Variants in LGSN observed in about 807,000 individuals in gnomAD.
The protein encoded by LGSN is lengsin.
A neutral mutation model predicts 19.5 loss-of-function variants in LGSN; 21 were observed. The ratio of observed to expected loss-of-function variants is 1.07; its 90% CI spans 0.76 to 1.55. LGSN has a LOEUF of 1.55. LGSN is among the 40% of genes most tolerant of loss of function. The pLI is 0.00. For synonymous variants in LGSN, 257 were observed against 215.6 expected (o/e 1.19, Z -1.68); for missense variants, 673 against 608.5 (o/e 1.11, Z -1.12).
chr6:63,375,122 A>C, the LGSN span, among the ~76,000 whole-genome samples: 3 of 152,134 alleles, frequency 2.0e-5, no homozygotes, highest in Admixed American at 6.6e-5. Flanking sequence ...ATCAAGAATT[A>C]ATTCCGTTTT....
chr6:63,371,208 C>T, the LGSN span, among the ~76,000 whole-genome samples: 1 of 152,160 alleles, frequency 6.6e-6, no homozygotes, highest in Non-Finnish European at 1.5e-5. Flanking sequence ...TAAAAAACAT[C>T]CTAGAACATA....
chr6:63,513,472 C>T, the LGSN span, among the ~76,000 whole-genome samples: 4 of 152,000 alleles, frequency 2.6e-5, no homozygotes, highest in Non-Finnish European at 4.4e-5. Context: ...ACAATGTTTG[C>T]CGTAGTCCCC....
At chr6:63,364,285 C>G in the LGSN span, among the ~76,000 whole-genome samples, 2 of 151,952 alleles carry the variant, frequency 1.3e-5, no homozygotes, top group African/African-American at 2.4e-5. Flanking sequence ...GGGTTGCAAT[C>G]CCAGTCTCTG....
chr6:63,470,465 C>T, the LGSN span, among the ~76,000 whole-genome samples: 1 of 138,258 alleles, frequency 7.2e-6, no homozygotes, highest in Non-Finnish European at 1.6e-5. Flanking sequence ...CAGAGCAAGA[C>T]TGTCTCAATT....
At chr6:63,324,174 T>C (rs1416078833), upstream of LGSN, among the ~76,000 whole-genome samples, 1 of 152,216 alleles carries the variant, frequency 6.6e-6, no homozygotes, top group African/African-American at 2.4e-5. Context: ...GTCTTACCAT[T>C]ACTGTGAAAA....
the LGSN span, among the ~76,000 whole-genome samples, chr6:63,511,748 A>T: frequency 6.6e-6 from 1 of 152,158 alleles, no homozygotes; most frequent in African/African-American, 2.4e-5. Context: ...AAATTGGAAA[A>T]TATTTTTACT....
chr6:63,525,606 C>G, the LGSN span, among the ~76,000 whole-genome samples: 1 of 152,164 alleles, frequency 6.6e-6, no homozygotes, highest in African/African-American at 2.4e-5. Flanking sequence ...TCTGAAGCAC[C>G]AGTGCCATCC....
At chr6:63,541,397 C>A in the LGSN span, among the ~76,000 whole-genome samples, 3 of 151,682 alleles carry the variant, frequency 2.0e-5, no homozygotes, top group Non-Finnish European at 4.4e-5. Context: ...ACTAAAAAAA[C>A]AAAAAAATAG....
chr6:63,358,435 T>C, the LGSN span, among the ~76,000 whole-genome samples: 4 of 152,350 alleles, frequency 2.6e-5, no homozygotes, highest in East Asian at 7.7e-4. Context: ...TATGGCCATT[T>C]TCACAATATT....
chr6:63,529,149 GTA>G, the LGSN span, among the ~76,000 whole-genome samples: 2 of 108,806 alleles, frequency 1.8e-5, no homozygotes, highest in African/African-American at 9.0e-5. Context: ...ATATATATAT[GTA>G]TATATATGTG....
the LGSN span, among the ~76,000 whole-genome samples, chr6:63,376,403 T>C: frequency 6.6e-6 from 1 of 152,188 alleles, no homozygotes; most frequent in Non-Finnish European, 1.5e-5. Context: ...TCTTAATCAA[T>C]ACTTTCTATT....
the LGSN span, among the ~76,000 whole-genome samples, chr6:63,370,849 GA>G: frequency 5.9e-5 from 9 of 152,262 alleles, no homozygotes; most frequent in East Asian, 7.7e-4. Context: ...GGCTAGTAGA[GA>G]AAAAAACTTT....
At chr6:63,446,957 G>A in the LGSN span, among the ~76,000 whole-genome samples, 2 of 152,166 alleles carry the variant, frequency 1.3e-5, no homozygotes, top group African/African-American at 2.4e-5. Context: ...GCTGAGGCGG[G>A]AGAATCACTT....
At chr6:63,405,375 T>G in the LGSN span, among the ~76,000 whole-genome samples, 2 of 152,158 alleles carry the variant, frequency 1.3e-5, no homozygotes, top group Non-Finnish European at 2.9e-5. Context: ...CCTGAGGAAT[T>G]GCCACACTGA....
the LGSN span, among the ~76,000 whole-genome samples, chr6:63,550,041 A>T: frequency 6.6e-6 from 1 of 152,228 alleles, no homozygotes; most frequent in Non-Finnish European, 1.5e-5. Flanking sequence ...ACTATATGTT[A>T]TACGTGTCAT....
At chr6:63,446,046 C>T in the LGSN span, among the ~76,000 whole-genome samples, 1 of 151,898 alleles carries the variant, frequency 6.6e-6, no homozygotes, top group Non-Finnish European at 1.5e-5. Flanking sequence ...GTCAGGAGTT[C>T]GAGACCAGCC....
intron 1 of LGSN, among the ~76,000 whole-genome samples, chr6:63,300,435 G>A (rs1319210481): frequency 6.6e-6 from 1 of 152,198 alleles, no homozygotes; most frequent in African/African-American, 2.4e-5. Flanking sequence ...GGGAGACTGA[G>A]GTGGGAGCAT....
At chr6:63,393,112 C>A in the LGSN span, among the ~76,000 whole-genome samples, 2 of 151,592 alleles carry the variant, frequency 1.3e-5, no homozygotes, top group African/African-American at 2.4e-5. Context: ...TGGTCTCGAT[C>A]TCCTGACCTC....
chr6:63,288,225 T>A (rs1481460016), intron 2 of LGSN, among the ~76,000 whole-genome samples: 3 of 110,970 alleles, frequency 2.7e-5, no homozygotes, highest in Non-Finnish European at 6.0e-5. Context: ...AGACTCCATC[T>A]CAAAAAAATA....
Sources: allele counts gnomAD v4.1 joint callset (sites outside exome capture counted in the v4.1 genomes callset), GRCh38; gene constraint gnomAD v4.1.1; transcripts MANE v1.5; gene names NCBI Gene and HGNC (gene_info 2026-07-23, HGNC 2026-07-21).